SAMD4B: variants seen among roughly 807,000 people sequenced by gnomAD.
SAMD4B encodes the protein sterile alpha motif domain containing 4B.
Under a neutral mutation model 74.5 loss-of-function variants are expected in SAMD4B, and 5 were observed. That is an observed-to-expected ratio of 0.07 (90% CI 0.04 to 0.14). The LOEUF (loss-of-function observed/expected upper bound fraction) is 0.14, where lower values mean the gene tolerates loss of function less well. Ranked by LOEUF, SAMD4B falls within the 10% of genes least tolerant of loss-of-function variation. The probability of loss-of-function intolerance (pLI) is 1.00; values close to 1 mark genes in which losing one functional copy is unlikely to be tolerated. For synonymous variants in SAMD4B, 373 were observed against 374.9 expected (o/e 1.00, Z 0.06); for missense variants, 608 against 921.8 (o/e 0.66, Z 4.41).
intron 1 of SAMD4B, chr19:39,351,151 T>G (rs1006835244): frequency 2.6e-5 from 4 of 152,052 alleles, no homozygotes; most frequent in African/African-American, 4.8e-5. Context: ...CTGGCTAATT[T>G]TTTTGTAATT....
At chr19:39,379,302 C>A in intron 9 of SAMD4B, among the ~76,000 whole-genome samples, 1 of 152,166 alleles carries the variant, frequency 6.6e-6, no homozygotes, top group East Asian at 1.9e-4. Flanking sequence ...ATGCCCAGCC[C>A]GTACATACTC....
chr19:39,379,986 G>A lies in SAMD4B; in HGVS notation c.1551G>A (p.Lys517=). The change falls in exon 10 of 14, where the codon AAG becomes AAA. Residue 517 remains lysine (K), a synonymous_variant. Coordinates refer to ENST00000610417, the MANE Select transcript of SAMD4B (RefSeq NM_001384574.2). ...TCTAGGCTTTCACGGAGACGCAGAA[G>A]AAACGGCTGCTATCCTGGAAACAGC... ...LTHEAFTETQ[K]KRLLSWKQQV... 2 of 1,614,014 alleles carry A rather than the reference G, an allele frequency of 1.2e-6. No homozygotes were observed. Among genetic ancestry groups the A allele is most frequent in the Non-Finnish European group, 1.7e-6 (2 of 1,179,948 alleles).
chr19:39,361,246 T>TC, intron 3 of SAMD4B, among the ~76,000 whole-genome samples: 1 of 151,948 alleles, frequency 6.6e-6, no homozygotes. Flanking sequence ...CTTCCCCTCC[T>TC]CCCCACCCTC....
intron 1 of SAMD4B, chr19:39,349,709 G>C (rs1489653071): frequency 2.6e-5 from 4 of 152,208 alleles, no homozygotes; most frequent in Admixed American, 6.5e-5. Context: ...CCTAGGTCGT[G>C]CTGTAAAAAG....
intron 1 of SAMD4B, among the ~76,000 whole-genome samples, chr19:39,346,196 T>G (rs1298201118): frequency 6.6e-6 from 1 of 151,964 alleles, no homozygotes; most frequent in East Asian, 1.9e-4. Flanking sequence ...GAGCAGAAAA[T>G]GAGGTACAAA....
At chr19:39,368,174 A>G (rs1281715763) in intron 3 of SAMD4B, among the ~76,000 whole-genome samples, 1 of 152,092 alleles carries the variant, frequency 6.6e-6, no homozygotes. Context: ...AGATCGCGCC[A>G]CTGCACTCCA....
intron 12 of SAMD4B, among the ~76,000 whole-genome samples, chr19:39,382,085 T>C (rs748563077): frequency 6.6e-6 from 1 of 152,108 alleles, no homozygotes; most frequent in South Asian, 2.1e-4. Flanking sequence ...GGGCTGACTC[T>C]AGAGAGAGCA....
chr19:39,358,602 T>TAAAA, intron 3 of SAMD4B, among the ~76,000 whole-genome samples: 1 of 130,422 alleles, frequency 7.7e-6, no homozygotes, highest in East Asian at 2.2e-4. Flanking sequence ...GTAACCTCAG[T>TAAAA]AAAAAAAAAA....
chr19:39,353,289 TA>T (rs2076155511), intron 1 of SAMD4B, among the ~76,000 whole-genome samples: 1 of 152,208 alleles, frequency 6.6e-6, no homozygotes, highest in South Asian at 2.1e-4. Flanking sequence ...TGTTTTTAAT[TA>T]AATTCTTTTT....
Position 39,377,768 on chromosome 19 carries a change from C to T in SAMD4B, c.1388C>T (p.Pro463Leu), listed in dbSNP as rs368357838. 3.2e-5 allele frequency: 52 copies of T among 1,613,246 alleles called. No individual in the cohort carries two copies. Among genetic ancestry groups the T allele is most frequent in the Middle Eastern group, 1.6e-4 (1 of 6,076 alleles). Residue 463 changes from proline (P) to leucine (L), a missense_variant, in exon 8 of 14, where the codon CCG (proline) becomes CTG (leucine). Pro to Leu is a moderately conservative substitution (Grantham distance 98). This residue lies in a region of SAMD4B where 99 missense variants were observed against 112.1 expected (regional missense o/e 0.88). Transcript: ENST00000610417. ...PAPTDGSEPAPAPVADGDIPS... is the reference protein window; with the variant it reads ...PAPTDGSEPALAPVADGDIPS... ...CCCACTGATGGCAGTGAGCCTGCCCCGGCTCCCGTCGCCGACGGAGACATC... is the reference window on the plus strand; with the variant it reads ...CCCACTGATGGCAGTGAGCCTGCCCTGGCTCCCGTCGCCGACGGAGACATC...
chr19:39,346,671 C>G (rs567428716), intron 1 of SAMD4B, among the ~76,000 whole-genome samples: 2 of 152,256 alleles, frequency 1.3e-5, no homozygotes, highest in South Asian at 2.1e-4. Context: ...TGGGCACTGT[C>G]CATTCCAAGA....
In SAMD4B at chr19:39,345,519, A is replaced by G. The variant is rs180828090; in HGVS notation, c.-267+2943A>G. On this transcript the variant is annotated intron_variant, in intron 1 of 13. Transcript: ENST00000610417. Reference sequence around the variant, plus strand: ...TTCTTGTCCATCTGTTTCTTCACATAGGCACCCTCCCCTTGAGGCACCCTC... The same window carrying G: ...TTCTTGTCCATCTGTTTCTTCACATGGGCACCCTCCCCTTGAGGCACCCTC... 1.6e-4 allele frequency among the ~76,000 whole-genome samples: 24 copies of G among 152,230 alleles called. No homozygotes were observed. The East Asian group carries it at 4.5e-3, about 28-fold the overall frequency.
downstream of SAMD4B, chr19:39,388,680 G>A (rs1194317166): frequency 1.9e-5 from 31 of 1,613,394 alleles, no homozygotes; most frequent in African/African-American, 2.7e-5. Flanking sequence ...CATGCCCCTG[G>A]TTGGGGGAAA....
intron 2 of SAMD4B, among the ~76,000 whole-genome samples, chr19:39,356,001 A>C (rs1308492090): frequency 6.6e-6 from 1 of 152,210 alleles, no homozygotes; most frequent in Non-Finnish European, 1.5e-5. Context: ...TTCCAGAGTC[A>C]GGGAAGCTGG....
chr19:39,367,584 C>T (rs1294884876), intron 3 of SAMD4B, among the ~76,000 whole-genome samples: 7 of 146,298 alleles, frequency 4.8e-5, no homozygotes, highest in African/African-American at 1.8e-4. Context: ...TCTCGGCTCA[C>T]TGCAACCTCC....
In SAMD4B at chr19:39,369,514, G is replaced by A. The variant is rs1600560733; in HGVS notation, c.197-141G>A. Reference sequence around the variant, plus strand: ...GTGTGTTTGATCTCACCTATATGAGGGATAAGTTTGGGAGTTATGAAAAGA... The same window carrying A: ...GTGTGTTTGATCTCACCTATATGAGAGATAAGTTTGGGAGTTATGAAAAGA... On this transcript the variant is annotated intron_variant, in intron 3 of 13. Transcript: ENST00000610417. The A allele has an allele frequency of 2.1e-5, 14 of 671,848 alleles. No homozygotes were observed. In the South Asian group the frequency reaches 2.3e-4, roughly 11 times the overall value. The allele number at this position is 671,848 out of a possible 1,614,324, so 41.6% of individuals were successfully genotyped here.
chr19:39,351,321 G>A (rs2076028903), intron 1 of SAMD4B: 1 of 152,230 alleles, frequency 6.6e-6, no homozygotes, highest in African/African-American at 2.4e-5. Context: ...CCCACCTCTG[G>A]AGGTGGTAGG....
chr19:39,358,692 G>A (rs62119691), intron 3 of SAMD4B, among the ~76,000 whole-genome samples: 10,964 of 152,138 alleles, frequency 0.072, 518 homozygotes, highest in African/African-American at 0.13. Flanking sequence ...TAACACGTGT[G>A]GCTTCCTACA....
intron 3 of SAMD4B, among the ~76,000 whole-genome samples, chr19:39,361,612 T>C (rs2076654961): frequency 7.4e-6 from 1 of 134,564 alleles, no homozygotes; most frequent in Admixed American, 8.0e-5. Flanking sequence ...TGAGACTCCA[T>C]CTAAAAAAAA....
Sources: gnomAD v4.1 joint callset for allele counts (sites outside exome capture counted in the v4.1 genomes callset) on GRCh38, gnomAD v4.1.1 for gene constraint, gnomAD v4.1.1 regional missense constraint, MANE v1.5 for transcripts, NCBI Gene and HGNC (gene_info 2026-07-23, HGNC 2026-07-21) for gene names.